PRDM11: variants seen among roughly 807,000 people sequenced by gnomAD.
PRDM11 encodes PR/SET domain 11.
In PRDM11, 20 loss-of-function variants were observed where a neutral mutation model predicts 97.8. The ratio of observed to expected loss-of-function variants is 0.20; its 90% CI spans 0.14 to 0.30. The LOEUF (loss-of-function observed/expected upper bound fraction) is 0.30. Among genes scored for constraint, PRDM11 ranks in the 10% least tolerant of loss-of-function variants. The pLI, the probability that PRDM11 is intolerant of heterozygous loss-of-function variation, is 1.00. For synonymous variants in PRDM11, 599 were observed against 637.7 expected (o/e 0.94, Z 0.91); for missense variants, 1,139 against 1,555.2 (o/e 0.73, Z 4.50).
At chr11:45,138,776 A>AT (rs746699362) in intron 1 of PRDM11, among the ~76,000 whole-genome samples, 44 of 146,970 alleles carry the variant, frequency 3.0e-4, no homozygotes, top group South Asian at 6.3e-4. Flanking sequence ...AAAATCTAAG[A>AT]TTTTTTTTTT....
intron 6 of PRDM11, among the ~76,000 whole-genome samples, chr11:45,223,619 A>G (rs1854179506): frequency 6.6e-6 from 1 of 152,192 alleles, no homozygotes; most frequent in Admixed American, 6.5e-5. Context: ...ACAGAAGTTC[A>G]GATCATGCTT....
intron 1 of PRDM11, among the ~76,000 whole-genome samples, chr11:45,127,413 T>C (rs1852600428): frequency 6.6e-6 from 1 of 152,258 alleles, no homozygotes; most frequent in South Asian, 2.1e-4. Context: ...AGAGGCGCTC[T>C]GCTTTTTAGA....
intron 4 of PRDM11, among the ~76,000 whole-genome samples, chr11:45,203,430 A>C (rs1853398712): frequency 6.9e-6 from 1 of 145,038 alleles, no homozygotes; most frequent in East Asian, 2.0e-4. Flanking sequence ...GGTACTCATT[A>C]AAAAAAAAAA....
At chr11:45,108,215 C>T (rs534301505) in intron 1 of PRDM11, among the ~76,000 whole-genome samples, 14 of 152,308 alleles carry the variant, frequency 9.2e-5, no homozygotes, top group Admixed American at 8.5e-4. Context: ...AAAATATCAG[C>T]ATGTGTCCAC....
chr11:45,231,049 G>T lies in PRDM11; in HGVS notation c.*2890G>T, dbSNP rs1019412174. 1 of 152,258 alleles carries T rather than the reference G, an allele frequency of 6.6e-6. No individual in the cohort carries two copies. The highest frequency in any genetic ancestry group is 2.4e-5 in the African/African-American group (1 of 41,454). 9.4% of individuals were successfully genotyped at this position (152,258 alleles called of 1,614,324 possible). ...CTCGGAAAAGCTAACCTCTCAGGTG[G>T]TCTTGAAGTTAGGTTAGGGCATCCC... is the stretch of plus-strand genomic sequence containing the variant. On this transcript the variant is annotated 3_prime_UTR_variant, in exon 8 of 8. Transcript: ENST00000683152.
At chr11:45,160,716 C>G (rs1461294906) in intron 1 of PRDM11, among the ~76,000 whole-genome samples, 1 of 152,248 alleles carries the variant, frequency 6.6e-6, no homozygotes, top group Non-Finnish European at 1.5e-5. Context: ...AGAGCAGCTA[C>G]TGCTGGGTCT....
chr11:45,095,749 C>A, upstream of PRDM11: 1 of 697,878 alleles, frequency 1.4e-6, no homozygotes, highest in Non-Finnish European at 2.6e-6. Flanking sequence ...ATTATGATGG[C>A]CGCAGATACG....
intron 5 of PRDM11, among the ~76,000 whole-genome samples, chr11:45,218,691 A>C (rs192601164): frequency 6.6e-6 from 1 of 152,190 alleles, no homozygotes; most frequent in African/African-American, 2.4e-5. Flanking sequence ...GTGTTCCCTC[A>C]TCCCACCTTT....
rs750503155 is a variant in PRDM11, at chr11:45,229,428, A to G, written c.*1269A>G. 7.9e-5 allele frequency: 12 copies of G among 152,096 alleles called. No homozygotes were observed. Among genetic ancestry groups the G allele is most frequent in the Non-Finnish European group, 1.5e-4 (10 of 68,076 alleles). The allele number at this position is 152,096 out of a possible 1,614,324, so 9.4% of individuals were successfully genotyped here. On this transcript the variant is annotated 3_prime_UTR_variant, in exon 8 of 8. Transcript: ENST00000683152. ...GTAGAGATGTCCTAAAGAAATGGAG[A>G]AAAGAAGAGAGGACTCTCAAGGCAT... is the stretch of plus-strand genomic sequence containing the variant.
In PRDM11 at chr11:45,224,353, C is replaced by A; in HGVS notation, c.879C>A (p.His293Gln). ...GTGGCTTTGATGAGGGGGATGTACA[C>A]CCCCAAGCTAAGAAGAAGAAAATTG... Reference protein sequence around the residue: ...YKRGFDEGDVHPQAKKKKIDL... With the variant: ...YKRGFDEGDVQPQAKKKKIDL... The change falls in exon 7 of 8, where the codon CAC becomes CAA. Residue 293 changes from histidine to glutamine, a missense_variant. His to Gln is a conservative substitution (Grantham distance 24, BLOSUM62 0). This residue lies in a region of PRDM11 where 429 missense variants were observed against 510.3 expected (regional missense o/e 0.84). Transcript: ENST00000683152. 6.2e-7 allele frequency: 1 copy of A among 1,614,106 alleles called. No individual in the cohort carries two copies. The highest frequency in any genetic ancestry group is 8.5e-7 in the Non-Finnish European group (1 of 1,180,022).
At chr11:45,207,546 T>C (rs1408860494) in intron 5 of PRDM11, among the ~76,000 whole-genome samples, 3 of 152,092 alleles carry the variant, frequency 2.0e-5, no homozygotes, top group East Asian at 1.9e-4. Flanking sequence ...CAACGAAAAA[T>C]TTTCTAGCCC....
upstream of PRDM11, among the ~76,000 whole-genome samples, chr11:45,144,990 C>A (rs1472198898): frequency 6.6e-6 from 1 of 151,802 alleles, no homozygotes; most frequent in Non-Finnish European, 1.5e-5. Flanking sequence ...CCTCCCCCAA[C>A]CCCCGTCCCC....
intron 1 of PRDM11, among the ~76,000 whole-genome samples, chr11:45,167,605 C>T (rs948192197): frequency 1.3e-5 from 2 of 152,170 alleles, no homozygotes; most frequent in Non-Finnish European, 2.9e-5. Flanking sequence ...ACAGTGTTCA[C>T]ACCAATGTCT....
chr11:45,195,945 C>T (rs558577073), intron 4 of PRDM11, among the ~76,000 whole-genome samples: 402 of 152,292 alleles, frequency 2.6e-3, no homozygotes, highest in Non-Finnish European at 3.7e-3. Flanking sequence ...GATGGACAGT[C>T]TCTGCCTTTT....
At chr11:45,124,872 T>C (rs1852527363) in intron 1 of PRDM11, among the ~76,000 whole-genome samples, 1 of 152,176 alleles carries the variant, frequency 6.6e-6, no homozygotes, top group Non-Finnish European at 1.5e-5. Flanking sequence ...TTAGGGAGGA[T>C]TCCTTCTTTT....
chr11:45,113,800 G>A (rs1852237657), intron 1 of PRDM11, among the ~76,000 whole-genome samples: 1 of 124,432 alleles, frequency 8.0e-6, no homozygotes, highest in Middle Eastern at 4.0e-3. Flanking sequence ...GTGTGTGTGT[G>A]TGTGTGTGTG....
intron 4 of PRDM11, among the ~76,000 whole-genome samples, chr11:45,192,426 A>G (rs1193786908): frequency 6.6e-6 from 1 of 152,232 alleles, no homozygotes; most frequent in African/African-American, 2.4e-5. Context: ...TAGCTGTTTT[A>G]TAAGTGCTGG....
At chr11:45,158,909 G>C (rs987264557) in intron 1 of PRDM11, among the ~76,000 whole-genome samples, 6 of 152,234 alleles carry the variant, frequency 3.9e-5, no homozygotes, top group African/African-American at 1.4e-4. Context: ...GGGTCCAGGG[G>C]CACAGTCTGG....
intron 1 of PRDM11, among the ~76,000 whole-genome samples, chr11:45,154,686 G>A (rs746494848): frequency 1.1e-4 from 17 of 151,968 alleles, no homozygotes; most frequent in Admixed American, 2.6e-4. Context: ...TACCTCATCC[G>A]ATCCATAAGA....
Sources: allele counts gnomAD v4.1 joint callset (sites outside exome capture counted in the v4.1 genomes callset), GRCh38; gene constraint gnomAD v4.1.1; regional missense constraint gnomAD v4.1.1; transcripts MANE v1.5; gene names NCBI Gene and HGNC (gene_info 2026-07-23, HGNC 2026-07-21).